The following STIM1 variants were observed in gnomAD, a reference collection of about 807,000 sequenced individuals.
STIM1 encodes stromal interaction molecule 1.
Under a neutral mutation model 74.7 loss-of-function variants are expected in STIM1, and 25 were observed. That is an observed-to-expected ratio of 0.33 (90% confidence interval 0.24 to 0.47). The LOEUF is 0.47. Ranked by LOEUF, STIM1 falls within the 20% of genes least tolerant of loss-of-function variation. STIM1 has a pLI of 1.00. For synonymous variants in STIM1, 328 were observed against 348.8 expected (o/e 0.94, Z 0.66); for missense variants, 728 against 920.8 (o/e 0.79, Z 2.71).
intron 2 of STIM1, chr11:3,989,502 C>T: frequency 1.6e-6 from 1 of 609,650 alleles, no homozygotes; most frequent in Non-Finnish European, 3.1e-6. Context: ...GTCTGTGAGC[C>T]GCGGCGCACC....
At chr11:3,902,437 G>T (rs1455580766) in intron 1 of STIM1, among the ~76,000 whole-genome samples, 1 of 152,194 alleles carries the variant, frequency 6.6e-6, no homozygotes, top group African/African-American at 2.4e-5. Context: ...AGACCAGGGT[G>T]CGGGGTGGGG....
In STIM1 at chr11:4,082,349, G is replaced by C. The variant is rs201447973; in HGVS notation, c.1135G>C (p.Gly379Arg). Residue 379 changes from glycine to arginine, a missense_variant and splice_region_variant, in exon 8 of 13, where the codon GGG (glycine) becomes CGG (arginine). Gly to Arg is a moderately radical substitution (Grantham distance 125, BLOSUM62 -2). Around this residue, in one of 5 missense-constraint regions of STIM1, gnomAD observed 131 missense variants for 235.9 expected, o/e 0.56. Transcript: ENST00000526596. ...GAAGCAGCTGCTGGTGGCCAAGGAG[G>C]GGGTGAGAACAGCCCTTCTATTGTC... ...AEKQLLVAKE[G>R]AEKIKKKRNT... The C allele has an allele frequency of 8.1e-6, 13 of 1,610,612 alleles. No individual in the cohort carries two copies. Among genetic ancestry groups the C allele is most frequent in the Non-Finnish European group, 1.0e-5 (12 of 1,178,918 alleles).
chr11:4,017,985 T>A (rs942189818), intron 2 of STIM1, among the ~76,000 whole-genome samples: 10 of 152,168 alleles, frequency 6.6e-5, no homozygotes, highest in Non-Finnish European at 1.5e-4. Flanking sequence ...CTGTAACAGC[T>A]CCCATCTCAG....
chr11:4,045,838 T>C (rs1408628023), intron 3 of STIM1, among the ~76,000 whole-genome samples: 1 of 143,046 alleles, frequency 7.0e-6, no homozygotes, highest in Non-Finnish European at 1.5e-5. Flanking sequence ...AGATCTCAGC[T>C]CACTGCAGCC....
chr11:4,080,001 T>C (rs1816461040), intron 7 of STIM1, among the ~76,000 whole-genome samples: 2 of 152,078 alleles, frequency 1.3e-5, no homozygotes, highest in Admixed American at 6.5e-5. Flanking sequence ...GGCAGATCGC[T>C]TGAGCCCAGG....
intron 2 of STIM1, chr11:3,973,779 G>A (rs746093336): frequency 1.0e-4 from 30 of 292,628 alleles, no homozygotes; most frequent in Non-Finnish European, 1.7e-4. Context: ...AGTGGTGTGC[G>A]CATGGCTCAC....
intron 3 of STIM1, among the ~76,000 whole-genome samples, chr11:4,027,978 TCTC>T (rs1478766869): frequency 6.6e-6 from 1 of 152,180 alleles, no homozygotes; most frequent in Non-Finnish European, 1.5e-5. Flanking sequence ...CTAAGGGAAT[TCTC>T]CTCTAACCAT....
At chr11:3,969,301 A>G (rs912151791) in intron 2 of STIM1, among the ~76,000 whole-genome samples, 1 of 151,720 alleles carries the variant, frequency 6.6e-6, no homozygotes, top group Non-Finnish European at 1.5e-5. Context: ...CCTGGACAAC[A>G]CAGCGAGACC....
chr11:4,079,372 G>A (rs1047656439), intron 7 of STIM1, among the ~76,000 whole-genome samples: 1 of 151,462 alleles, frequency 6.6e-6, no homozygotes, highest in Non-Finnish European at 1.5e-5. Flanking sequence ...TCAGGAGTTC[G>A]AGACCAGGCT....
chr11:3,863,120 C>A (rs1161341690), intron 1 of STIM1, among the ~76,000 whole-genome samples: 1 of 151,350 alleles, frequency 6.6e-6, no homozygotes, highest in Admixed American at 6.6e-5. Context: ...TCCTGAACTC[C>A]TGACCTCAGA....
chr11:3,911,535 C>T (rs978719161), intron 1 of STIM1, among the ~76,000 whole-genome samples: 3 of 152,142 alleles, frequency 2.0e-5, no homozygotes, highest in Admixed American at 1.3e-4. Flanking sequence ...CAGGCATATA[C>T]CACCATGCCC....
chr11:3,856,646 A>G (rs532754594), intron 1 of STIM1, among the ~76,000 whole-genome samples: 33 of 152,326 alleles, frequency 2.2e-4, no homozygotes, highest in East Asian at 1.3e-3. Context: ...TTTTGTTGGC[A>G]GTAAGAAGAA....
chr11:4,044,602 C>A (rs963025045), intron 3 of STIM1, among the ~76,000 whole-genome samples: 3 of 152,136 alleles, frequency 2.0e-5, no homozygotes, highest in African/African-American at 7.2e-5. Context: ...TGCTGCCAAA[C>A]CCTACCTAGA....
rs183491883 is a variant in STIM1, at chr11:3,969,518, C to T, written c.270+1836C>T. ...AAAACACAAAACAAAACACAAAATT[C>T]ACTGATTGGTCAACAGAGGGGATTT... On this transcript the variant is annotated intron_variant, in intron 2 of 12. Transcript: ENST00000526596. Among the ~76,000 whole-genome samples the T allele has an allele frequency of 4.0e-3, 614 of 152,196 alleles. 1 individual carries two copies. The highest frequency in any genetic ancestry group is 5.9e-3 in the Non-Finnish European group (398 of 67,980).
chr11:3,899,184 T>C (rs2092276368), intron 1 of STIM1, among the ~76,000 whole-genome samples: 1 of 152,220 alleles, frequency 6.6e-6, no homozygotes, highest in South Asian at 2.1e-4. Context: ...TATCCTCTTT[T>C]ATTTCACTGA....
In STIM1 at chr11:4,091,808, G is replaced by C. The variant is rs199865701; in HGVS notation, c.*10G>C. 317 of 1,601,114 alleles carry C rather than the reference G, an allele frequency of 2.0e-4. No homozygotes were observed. The highest frequency in any genetic ancestry group is 2.5e-4 in the Non-Finnish European group (291 of 1,179,954). On this transcript the variant is annotated 3_prime_UTR_variant, in exon 13 of 13. Transcript: ENST00000526596. Reference sequence around the variant, plus strand: ...GCCTCTTAAGAAGTAGGCAGGATGGGGTGGCAGTAAAGGGACAGCTTGTCC... The same window carrying C: ...GCCTCTTAAGAAGTAGGCAGGATGGCGTGGCAGTAAAGGGACAGCTTGTCC...
chr11:3,854,795 G>T (rs2090300457), upstream of STIM1: 1 of 152,494 alleles, frequency 6.6e-6, no homozygotes, highest in African/African-American at 2.4e-5. Context: ...GGAGGGGAAG[G>T]GAGGCGGGGT....
In STIM1 at chr11:3,967,702, T is replaced by C; in HGVS notation, c.270+20T>C. ...GATGAGGTGAGCTCTCCCATCCTGC[T>C]ATGTCTCTCTTTTCTTCCTGTGTGA... On this transcript the variant is annotated intron_variant, in intron 2 of 12. Coordinates refer to ENST00000526596, the MANE Select transcript of STIM1 (RefSeq NM_001382567.1). 1 of 1,614,052 alleles carries C rather than the reference T, an allele frequency of 6.2e-7. No homozygotes were observed. Among genetic ancestry groups the C allele is most frequent in the Non-Finnish European group, 8.5e-7 (1 of 1,179,916 alleles).
In STIM1 at chr11:3,861,162, T is replaced by A. The variant is rs530305706; in HGVS notation, c.139+4753T>A. 1.1e-4 allele frequency among the ~76,000 whole-genome samples: 17 copies of A among 151,846 alleles called. 1 individual carries two copies. In the South Asian group the frequency reaches 3.6e-3, roughly 32 times the overall value. The stretch of plus-strand genomic sequence containing the variant: ...TGATCATTAGGCAGAGTTGCTTCAT[T>A]GTTGGCTAGCTACCTCACATGAGCA... On this transcript the variant is annotated intron_variant, in intron 1 of 12. Coordinates refer to ENST00000526596, the MANE Select transcript of STIM1 (RefSeq NM_001382567.1).
Sources: allele counts gnomAD v4.1 joint callset (sites outside exome capture counted in the v4.1 genomes callset), GRCh38; gene constraint gnomAD v4.1.1; regional missense constraint gnomAD v4.1.1; transcripts MANE v1.5; gene names NCBI Gene and HGNC (gene_info 2026-07-23, HGNC 2026-07-21).